The following ZAN variants were observed in gnomAD, a reference collection of about 807,000 sequenced individuals.
ZAN encodes zonadhesin.
In ZAN, 260 loss-of-function variants were observed where a neutral mutation model predicts 286.2. That is an observed-to-expected ratio of 0.91 (90% confidence interval 0.82 to 1.01). The LOEUF is 1.01. Ranked by LOEUF, ZAN falls within the 50% of genes least tolerant of loss-of-function variation. ZAN has a pLI of 0.00. For missense variants in ZAN, 3,410 were observed against 3,639.2 expected (o/e 0.94, Z 1.62); for synonymous variants, 1,368 against 1,417.5 (o/e 0.97, Z 0.79).
chr7:100,763,178 T>C lies in ZAN; in HGVS notation c.3987-628T>C, dbSNP rs545242543. On this transcript the variant is annotated intron_variant, in intron 20 of 47. Transcript: ENST00000613979. This position sits in a 1 kb window ranked among gnomAD's most constrained non-coding sequence, Gnocchi z 4.6. ...CGGGGTTTCATCATGTTGGCCAGGC[T>C]GGTTTCGAACTCCTGACCTCAGGTG... Among the ~76,000 whole-genome samples, 1 of 152,186 alleles carries C rather than the reference T, an allele frequency of 6.6e-6. No homozygotes were observed. Among genetic ancestry groups the C allele is most frequent in the African/African-American group, 2.4e-5 (1 of 41,544 alleles).
chr7:100,795,997 T>C (rs1812337746), intron 45 of ZAN, among the ~76,000 whole-genome samples: 2 of 152,188 alleles, frequency 1.3e-5, no homozygotes, highest in Non-Finnish European at 2.9e-5. Context: ...CGAGACCCGC[T>C]TGAACCCGGG....
chr7:100,793,983 G>T lies in ZAN; in HGVS notation c.7951G>T (p.Asp2651Tyr), dbSNP rs1391371467. The T allele has an allele frequency of 6.2e-7, 1 of 1,613,704 alleles. No homozygotes were observed. The highest frequency in any genetic ancestry group is 8.5e-7 in the Non-Finnish European group (1 of 1,179,842). ...GTGGCACCCAGAGCCTCCCCTGGCT[G>T]ACTGTGGCTGCACCAGCAATGGCAT... Reference protein sequence around the residue: ...LQWHPEPPLADCGCTSNGIYY... With the variant: ...LQWHPEPPLAYCGCTSNGIYY... The change falls in exon 43 of 48, where the codon GAC becomes TAC. Residue 2651 changes from aspartate to tyrosine, a missense_variant. Asp to Tyr is a radical substitution (Grantham distance 160). Coordinates refer to ENST00000613979, the MANE Select transcript of ZAN (RefSeq NM_003386.3).
Position 100,751,988 on chromosome 7 carries a change from T to A in ZAN, c.1883T>A (p.Ile628Asn). 1 of 1,611,516 alleles carries A rather than the reference T, an allele frequency of 6.2e-7. No individual in the cohort carries two copies. The highest frequency in any genetic ancestry group is 8.5e-7 in the Non-Finnish European group (1 of 1,179,300). Residue 628 changes from isoleucine (I) to asparagine (N), a missense_variant, in exon 14 of 48, where the codon ATC becomes AAC. Ile to Asn is a moderately radical substitution (Grantham distance 149). Transcript: ENST00000613979. ...ACCATTCCCTCAGAAAAACCCACCA[T>A]CCTCACAGAAAAACCCACCATTCCC... The part of the protein sequence containing the change: ...KPTIPSEKPT[I>N]LTEKPTIPSE...
intron 17 of ZAN, among the ~76,000 whole-genome samples, chr7:100,759,209 A>C (rs1349031130): frequency 1.3e-5 from 2 of 151,312 alleles, no homozygotes; most frequent in Admixed American, 1.3e-4. Context: ...CTCTAGCCTA[A>C]GCAGCAAGAG....
At chr7:100,735,374 G>C (rs3895793) in intron 2 of ZAN, among the ~76,000 whole-genome samples, 13,390 of 135,038 alleles carry the variant, frequency 0.099, 2,454 homozygotes, top group African/African-American at 0.2. Flanking sequence ...TGACCAGCCT[G>C]TGCAACATAG....
At chr7:100,771,414 A>G (rs559130657) in intron 28 of ZAN, among the ~76,000 whole-genome samples, 40 of 151,624 alleles carry the variant, frequency 2.6e-4, no homozygotes, top group African/African-American at 9.4e-4. Flanking sequence ...CTCAGGCTGG[A>G]AAATCCAGGA....
At chr7:100,790,250 C>A (rs1053986761) in intron 39 of ZAN, among the ~76,000 whole-genome samples, 1 of 151,878 alleles carries the variant, frequency 6.6e-6, no homozygotes, top group Non-Finnish European at 1.5e-5. Context: ...GGCAACAGAG[C>A]AAGACCCTGC....
rs549990930 is a variant in ZAN, at chr7:100,748,151, C to T, written c.1038C>T (p.Gly346=). The change falls in exon 10 of 48, where the codon GGC becomes GGT. Residue 346 remains glycine (G), a synonymous_variant. Coordinates refer to ENST00000613979, the MANE Select transcript of ZAN (RefSeq NM_003386.3). ...TTTCTCTCCAGTTTGCCGTGGTAGGCGTTTTTGGAAAGACCCCAGAGCCAG... is the reference window on the plus strand; with the variant it reads ...TTTCTCTCCAGTTTGCCGTGGTAGGTGTTTTTGGAAAGACCCCAGAGCCAG... ...AVGRIQFAVV[G]VFGKTPEPAV... is the part of the protein sequence containing the mutation. 2.5e-5 allele frequency: 40 copies of T among 1,613,748 alleles called. No individual in the cohort carries two copies. The highest frequency in any genetic ancestry group is 1.7e-4 in the Middle Eastern group (1 of 6,060).
Position 100,787,940 on chromosome 7 carries a change from GCTTCA to G in ZAN, c.7032_7036del (p.Phe2345LeufsTer20). 4.0e-6 allele frequency: 2 copies of G among 500,008 alleles called. No individual in the cohort carries two copies. The highest frequency in any genetic ancestry group is 7.2e-6 in the Non-Finnish European group (2 of 276,754). The allele number at this position is 500,008 out of a possible 1,614,324, so 31.0% of individuals were successfully genotyped here. On this transcript the variant is annotated frameshift_variant, in exon 38 of 48. Transcript: ENST00000613979. LOFTEE classifies it high-confidence loss of function. ...GACCCCCGTTACCTCACATTTGACG[GCTTCA>G]GCTACCGCTTGCAAGGCCGCATGAC...
Position 100,771,993 on chromosome 7 carries a change from C to G in ZAN, c.5398C>G (p.Pro1800Ala), listed in dbSNP as rs1335170550. Residue 1800 changes from proline to alanine, a missense_variant, in exon 29 of 48, where the codon CCT becomes GCT. This residue lies in a region of ZAN where 1,289 missense variants were observed against 1,314.3 expected (regional missense o/e 0.98). Coordinates refer to ENST00000613979, the MANE Select transcript of ZAN (RefSeq NM_003386.3). Reference sequence around the variant, plus strand: ...CCTGTGTGCCCAGGCTGGCCAGGCCCCTGCCTGGCGGAACAGAACCTTCTG... The same window carrying G: ...CCTGTGTGCCCAGGCTGGCCAGGCCGCTGCCTGGCGGAACAGAACCTTCTG... Reference protein sequence around the residue: ...ASLCAQAGQAPAWRNRTFCPM... With the variant: ...ASLCAQAGQAAAWRNRTFCPM... 2 of 1,605,454 alleles carry G rather than the reference C, an allele frequency of 1.2e-6. No homozygotes were observed. Among genetic ancestry groups the G allele is most frequent in the Non-Finnish European group, 1.7e-6 (2 of 1,178,230 alleles).
intron 12 of ZAN, 124 bp downstream of exon 12, chr7:100,751,020 G>C (rs1000721117): frequency 6.9e-7 from 1 of 1,441,916 alleles, no homozygotes; most frequent in South Asian, 1.5e-5. Flanking sequence ...GGGGAACTTC[G>C]TGTTACAGAA....
At chr7:100,778,028 C>T (rs1186041502) in intron 34 of ZAN, among the ~76,000 whole-genome samples, 3 of 152,102 alleles carry the variant, frequency 2.0e-5, no homozygotes, top group Non-Finnish European at 4.4e-5. Context: ...GGAGCAGGAG[C>T]AGAGGCTCAT....
chr7:100,792,614 A>T, intron 42 of ZAN, 135 bp downstream of exon 42: 1 of 1,475,070 alleles, frequency 6.8e-7, no homozygotes. Context: ...CGCTCTTCCC[A>T]CCATTGCCTC....
At chr7:100,753,586 G>A (rs965883711) in intron 14 of ZAN, among the ~76,000 whole-genome samples, 7 of 151,958 alleles carry the variant, frequency 4.6e-5, no homozygotes, top group Admixed American at 1.3e-4. Context: ...ACTTTGGGGG[G>A]CCAAGGCGAG....
Position 100,736,862 on chromosome 7 carries a change from C to T in ZAN, c.307C>T (p.Arg103Cys), listed in dbSNP as rs369510296. ...SNSFHRGGVARLLSPDLWEQG... is the reference protein window; with the variant it reads ...SNSFHRGGVACLLSPDLWEQG... ...CAGCTTCCACCGTGGGGGAGTGGCC[C>T]GCCTGCTCAGCCCCGACCTATGGGA... Residue 103 changes from arginine to cysteine, a missense_variant, in exon 5 of 48, where the codon CGC (arginine) becomes TGC (cysteine). Physicochemically the swap from Arg to Cys is radical, Grantham distance 180 (BLOSUM62 -3). Around this residue, in one of 7 missense-constraint regions of ZAN, gnomAD observed 872 missense variants for 938.9 expected, o/e 0.93. Transcript: ENST00000613979. 13 of 1,484,418 alleles carry T rather than the reference C, an allele frequency of 8.8e-6. 2 individuals carry two copies. The highest frequency in any genetic ancestry group is 7.1e-5 in the African/African-American group (5 of 70,512). The allele number at this position is 1,484,418 out of a possible 1,614,324, so 92.0% of individuals were successfully genotyped here. A position where few individuals can be genotyped will look rare whatever the true frequency, so the allele number is the denominator to read the frequency against.
At chr7:100,768,409 T>C (rs1810148231) in intron 26 of ZAN, among the ~76,000 whole-genome samples, 1 of 152,078 alleles carries the variant, frequency 6.6e-6, no homozygotes, top group Non-Finnish European at 1.5e-5. Context: ...GAGGTGGACG[T>C]TGCAGTGAGC....
intron 19 of ZAN, 38 bp downstream of exon 19, chr7:100,760,574 C>A: frequency 6.2e-7 from 1 of 1,604,414 alleles, no homozygotes; most frequent in South Asian, 1.1e-5. Context: ...GCCACTTCTT[C>A]CTGCTGCCTC....
intron 35 of ZAN, among the ~76,000 whole-genome samples, chr7:100,783,005 C>A (rs186168721): frequency 6.6e-6 from 1 of 152,208 alleles, no homozygotes; most frequent in Non-Finnish European, 1.5e-5. Flanking sequence ...CTGTGGCTTA[C>A]GCCTGTAATC....
intron 35 of ZAN, among the ~76,000 whole-genome samples, chr7:100,780,281 A>G (rs1811115545): frequency 6.6e-6 from 1 of 152,184 alleles, no homozygotes; most frequent in African/African-American, 2.4e-5. Flanking sequence ...ACAATTTAAA[A>G]CAGGAATTCA....
Sources: allele counts gnomAD v4.1 joint callset (sites outside exome capture counted in the v4.1 genomes callset), GRCh38; gene constraint gnomAD v4.1.1; regional missense constraint gnomAD v4.1.1; non-coding constraint Gnocchi (gnomAD v3.1); transcripts MANE v1.5; gene names NCBI Gene and HGNC (gene_info 2026-07-23, HGNC 2026-07-21).